Variants in PHF21A observed in about 807,000 individuals in gnomAD.
PHF21A encodes the protein PHD finger protein 21A.
A neutral mutation model predicts 82.5 loss-of-function variants in PHF21A; 11 were observed. The ratio of observed to expected loss-of-function variants is 0.13; its 90% CI spans 0.08 to 0.22. The LOEUF is 0.22. Ranked by LOEUF, PHF21A falls within the 10% of genes least tolerant of loss-of-function variation. The probability of loss-of-function intolerance (pLI) is 1.00; values close to 1 mark genes in which losing one functional copy is unlikely to be tolerated. For missense variants in PHF21A, 579 were observed against 837.8 expected, an observed-to-expected ratio of 0.69 and a Z score of 3.81; for synonymous variants, 297 against 302.8, an observed-to-expected ratio of 0.98 and a Z score of 0.20.
chr11:45,945,650 C>T (rs2091179113), intron 15 of PHF21A, among the ~76,000 whole-genome samples, 190 bp downstream of exon 15: 1 of 152,144 alleles, frequency 6.6e-6, no homozygotes, highest in South Asian at 2.1e-4. Flanking sequence ...TAACATGTTT[C>T]TCAAGGACAT....
intron 1 of PHF21A, among the ~76,000 whole-genome samples, chr11:46,094,939 C>T (rs1246740502): frequency 6.6e-6 from 1 of 152,102 alleles, no homozygotes. Flanking sequence ...CCTAAGGGAT[C>T]CCCATGAATG....
intron 10 of PHF21A, among the ~76,000 whole-genome samples, chr11:45,963,420 C>CAAAA (rs35389845): frequency 7.8e-5 from 7 of 89,942 alleles, no homozygotes; most frequent in Admixed American, 1.1e-4. Context: ...AACTCTGTGT[C>CAAAA]AAAAAAAAAA....
intron 6 of PHF21A, among the ~76,000 whole-genome samples, chr11:45,984,644 C>T (rs1402726936): frequency 3.9e-5 from 6 of 152,272 alleles, no homozygotes; most frequent in Middle Eastern, 3.4e-3. Flanking sequence ...AGAAGGGAGA[C>T]GGAGAGACGG....
rs557395689 is a variant in PHF21A, at chr11:45,961,204, G to A, written c.996+4111C>T. On this transcript the variant is annotated intron_variant, in intron 10 of 18. Coordinates refer to ENST00000676320, the MANE Select transcript of PHF21A (RefSeq NM_001352027.3). ...ACGGTTGCTGGAATTTGCAACTCCT[G>A]TTCTTTTTGGTATAATAAAAGAATC... Among the ~76,000 whole-genome samples, 106 of 152,262 alleles carry A rather than the reference G, an allele frequency of 7.0e-4. No homozygotes were observed. The South Asian group carries it at 0.013, about 18-fold the overall frequency.
At chr11:46,011,562 G>A (rs2095414646) in intron 6 of PHF21A, among the ~76,000 whole-genome samples, 1 of 151,976 alleles carries the variant, frequency 6.6e-6, no homozygotes, top group African/African-American at 2.4e-5. Flanking sequence ...ATACTTTCTC[G>A]CTCTGGAAAT....
intron 18 of PHF21A, 170 bp downstream of exon 18, chr11:45,935,466 C>A: frequency 1.6e-6 from 1 of 642,892 alleles, no homozygotes; most frequent in Non-Finnish European, 2.7e-6. Context: ...CCGCCTGTAC[C>A]TGAGGTCTGA....
At chr11:46,005,447 G>A (rs959312680) in intron 6 of PHF21A, among the ~76,000 whole-genome samples, 2 of 152,064 alleles carry the variant, frequency 1.3e-5, no homozygotes, top group Admixed American at 1.3e-4. Flanking sequence ...TCTGGTTGAA[G>A]GTTTCAAGAT....
At chr11:45,972,370 A>C (rs1172110471) in intron 7 of PHF21A, among the ~76,000 whole-genome samples, 23 of 152,344 alleles carry the variant, frequency 1.5e-4, no homozygotes, top group Non-Finnish European at 1.5e-5. Context: ...CATTTCAGGA[A>C]CATGAAAATT....
chr11:45,966,896 T>C (rs1217390950), intron 9 of PHF21A, among the ~76,000 whole-genome samples: 1 of 151,840 alleles, frequency 6.6e-6, no homozygotes, highest in Non-Finnish European at 1.5e-5. Context: ...GGATTACAGA[T>C]GTGAGCCACT....
intron 1 of PHF21A, among the ~76,000 whole-genome samples, chr11:46,094,205 T>C (rs1300757488): frequency 1.3e-5 from 2 of 152,250 alleles, no homozygotes; most frequent in Non-Finnish European, 2.9e-5. Flanking sequence ...ACAATGTACA[T>C]ATATCTTATC....
chr11:46,073,253 A>G (rs181045463), intron 6 of PHF21A, among the ~76,000 whole-genome samples: 267 of 151,802 alleles, frequency 1.8e-3, no homozygotes, highest in African/African-American at 6.1e-3. Context: ...GCGTGAACCC[A>G]GGAGGCGGAG....
intron 7 of PHF21A, among the ~76,000 whole-genome samples, chr11:45,976,635 A>C (rs2959094): frequency 0.87 from 132,337 of 151,760 alleles, 58,028 homozygotes; most frequent in East Asian, 1. Flanking sequence ...TGAGCTCCGG[A>C]GTTTGAGACC....
At chr11:46,019,089 T>C (rs898805466) in intron 6 of PHF21A, among the ~76,000 whole-genome samples, 2 of 152,138 alleles carry the variant, frequency 1.3e-5, no homozygotes, top group Non-Finnish European at 2.9e-5. Flanking sequence ...CTAATTTTTT[T>C]TTTTTTTTAA....
chr11:46,114,022 A>T (rs1296000919), intron 1 of PHF21A, among the ~76,000 whole-genome samples: 1 of 151,946 alleles, frequency 6.6e-6, no homozygotes, highest in Non-Finnish European at 1.5e-5. Context: ...AAAAACACTG[A>T]AGTTCTGCTT....
chr11:46,056,005 T>C (rs1296924785), intron 6 of PHF21A, among the ~76,000 whole-genome samples: 6 of 152,172 alleles, frequency 3.9e-5, no homozygotes, highest in Non-Finnish European at 8.8e-5. Flanking sequence ...TCTTGAAATT[T>C]AAAATATTTT....
intron 6 of PHF21A, among the ~76,000 whole-genome samples, chr11:46,046,684 A>G (rs2138992142): frequency 6.6e-6 from 1 of 152,356 alleles, no homozygotes; most frequent in East Asian, 1.9e-4. Flanking sequence ...ATATTAAATG[A>G]TGATGGCAGC....
At chr11:46,002,759 C>T (rs947388495) in intron 6 of PHF21A, among the ~76,000 whole-genome samples, 1 of 151,792 alleles carries the variant, frequency 6.6e-6, no homozygotes, top group African/African-American at 2.4e-5. Flanking sequence ...TTAGAGGCAC[C>T]CCCTCAAACC....
intron 6 of PHF21A, among the ~76,000 whole-genome samples, chr11:46,022,464 A>G (rs1347221400): frequency 6.6e-6 from 1 of 152,060 alleles, no homozygotes; most frequent in African/African-American, 2.4e-5. Flanking sequence ...CTTAAAAAAA[A>G]AGAAAAAGAA....
chr11:46,102,886 A>G (rs7111900), intron 1 of PHF21A, among the ~76,000 whole-genome samples: 137,310 of 152,244 alleles, frequency 0.9, 62,088 homozygotes, highest in East Asian at 1. Flanking sequence ...TAATTACAAC[A>G]GTGTTTTGTT....
Sources: gnomAD v4.1 joint callset for allele counts (sites outside exome capture counted in the v4.1 genomes callset) on GRCh38, gnomAD v4.1.1 for gene constraint, MANE v1.5 for transcripts, NCBI Gene and HGNC (gene_info 2026-07-23, HGNC 2026-07-21) for gene names.